CAMK2G: variants seen among roughly 807,000 people sequenced by gnomAD.
CAMK2G encodes the protein calcium/calmodulin dependent protein kinase II gamma, also known as calcium/calmodulin-dependent protein kinase type II subunit gamma.
CAMK2G carries 23 observed loss-of-function variants against 88.7 expected under a neutral mutation model. The observed-to-expected ratio is 0.26, with a 90% CI of 0.19 to 0.37. The LOEUF (loss-of-function observed/expected upper bound fraction) is 0.37. Among genes scored for constraint, CAMK2G ranks in the 10% least tolerant of loss-of-function variants. CAMK2G has a pLI of 1.00. For missense variants in CAMK2G, 476 were observed against 780.8 expected (o/e 0.61, Z 4.65); for synonymous variants, 263 against 294.8 (o/e 0.89, Z 1.11).
chr10:73,818,990 C>T (rs1049115213), intron 19 of CAMK2G: 4 of 359,664 alleles, frequency 1.1e-5, no homozygotes, highest in African/African-American at 2.1e-5. Context: ...CTCTGAGGTG[C>T]GTGCCATTTT....
chr10:73,831,271 G>T lies in CAMK2G; in HGVS notation c.1054-3150C>A, dbSNP rs144433355. ...AAAAATGCAATTGGCCGGGCACGGT[G>T]GTTCATGCCTGTAATCCCAGCACTT... On this transcript the variant is annotated intron_variant, in intron 14 of 22. Coordinates refer to ENST00000423381, the MANE Select transcript of CAMK2G (RefSeq NM_001367534.1). Among the ~76,000 whole-genome samples, 1,116 of 152,304 alleles carry T rather than the reference G, an allele frequency of 7.3e-3. 14 individuals are homozygous for T. The highest frequency in any genetic ancestry group is 0.026 in the African/African-American group (1,064 of 41,556).
At position 73,848,447 on chromosome 10, in the gene CAMK2G, T is replaced by C. The variant is rs1472254369; in HGVS notation, c.601+79A>G. The C allele has an allele frequency of 5.4e-6, 5 of 921,556 alleles. No homozygotes were observed. The highest frequency in any genetic ancestry group is 8.9e-6 in the Non-Finnish European group (5 of 563,240). The allele number at this position is 921,556 out of a possible 1,614,324, so 57.1% of individuals were successfully genotyped here. On this transcript the variant is annotated intron_variant, in intron 8 of 22. Coordinates refer to ENST00000423381, the MANE Select transcript of CAMK2G (RefSeq NM_001367534.1). This position sits in a 1 kb window ranked among gnomAD's most constrained non-coding sequence, Gnocchi z 4.5. Reference sequence around the variant, plus strand: ...AGGCACGTGTGTGACCTGCAAGGAATAGCGATGCCTCTTTCTTGCCATCAT... The same window carrying C: ...AGGCACGTGTGTGACCTGCAAGGAACAGCGATGCCTCTTTCTTGCCATCAT...
intron 18 of CAMK2G, among the ~76,000 whole-genome samples, chr10:73,821,051 C>A (rs1257619764): frequency 2.0e-5 from 3 of 152,040 alleles, no homozygotes; most frequent in Non-Finnish European, 2.9e-5. Flanking sequence ...CTCAAGTGAT[C>A]CACTTGCCTC....
chr10:73,825,476 G>A, intron 15 of CAMK2G, 129 bp from the exon 16 acceptor site: 1 of 704,694 alleles, frequency 1.4e-6, no homozygotes, highest in Non-Finnish European at 2.6e-6. Flanking sequence ...CCATAACGCT[G>A]TGTAGATGGG....
intron 2 of CAMK2G, among the ~76,000 whole-genome samples, chr10:73,864,985 G>A (rs2095533329): frequency 6.6e-6 from 1 of 152,198 alleles, no homozygotes; most frequent in Non-Finnish European, 1.5e-5. Context: ...CAAGATCTGA[G>A]GTTTAACTGA....
chr10:73,820,751 C>T (rs1055313439), intron 18 of CAMK2G, among the ~76,000 whole-genome samples: 3 of 144,668 alleles, frequency 2.1e-5, no homozygotes, highest in Admixed American at 7.1e-5. Flanking sequence ...CGGCTCACTG[C>T]AACCTCCACC....
Position 73,842,118 on chromosome 10 carries a change from C to T in CAMK2G, c.946+51G>A, listed in dbSNP as rs755940535. 2 of 1,471,624 alleles carry T rather than the reference C, an allele frequency of 1.4e-6. No individual in the cohort carries two copies. Among genetic ancestry groups the T allele is most frequent in the Middle Eastern group, 1.7e-4 (1 of 5,780 alleles). The allele number at this position is 1,471,624 out of a possible 1,614,324, so 91.2% of individuals were successfully genotyped here. ...GTGCCCGGGATGGCAACAGCCCATTCCTGATCCACTCACCTCGGCATAATC... is the reference window on the plus strand; with the variant it reads ...GTGCCCGGGATGGCAACAGCCCATTTCTGATCCACTCACCTCGGCATAATC... On this transcript the variant is annotated intron_variant, in intron 12 of 22. Transcript: ENST00000423381. The surrounding 1 kb of genome is among the most constrained non-coding windows in gnomAD (Gnocchi z 4.6).
intron 16 of CAMK2G, 51 bp from the exon 17 acceptor site, chr10:73,824,135 T>G (rs777150363): frequency 6.8e-7 from 1 of 1,481,454 alleles, no homozygotes; most frequent in Admixed American, 1.7e-5. Context: ...AGACTATGGC[T>G]CTTCCCTGAG....
intron 15 of CAMK2G, 93 bp from the exon 16 acceptor site, chr10:73,825,440 TGGA>T: frequency 1.0e-6 from 1 of 963,720 alleles, no homozygotes; most frequent in South Asian, 1.3e-5. Flanking sequence ...TGGTCTGGCC[TGGA>T]GGAGGTAGGC....
chr10:73,848,506 A>C lies in CAMK2G; in HGVS notation c.601+20T>G, dbSNP rs1294844194. ...GAGGGCCCTTAACAGCGAAAAGCTG[A>C]GAGCGTGGAATGGGCTTACCGCAGG... On this transcript the variant is annotated intron_variant, in intron 8 of 22. Coordinates refer to ENST00000423381, the MANE Select transcript of CAMK2G (RefSeq NM_001367534.1). This position sits in a 1 kb window ranked among gnomAD's most constrained non-coding sequence, Gnocchi z 4.5. 3 of 1,561,634 alleles carry C rather than the reference A, an allele frequency of 1.9e-6. No homozygotes were observed. Among genetic ancestry groups the C allele is most frequent in the Non-Finnish European group, 2.6e-6 (3 of 1,133,382 alleles).
intron 14 of CAMK2G, among the ~76,000 whole-genome samples, chr10:73,828,475 T>C (rs1034101414): frequency 2.6e-5 from 4 of 152,204 alleles, no homozygotes; most frequent in Non-Finnish European, 4.4e-5. Context: ...GTTCATAGGG[T>C]TAGCTCACCC....
chr10:73,839,541 T>C lies in CAMK2G; in HGVS notation c.1007A>G (p.Gln336Arg). 1 of 1,234,648 alleles carries C rather than the reference T, an allele frequency of 8.1e-7. No individual in the cohort carries two copies. The highest frequency in any genetic ancestry group is 3.2e-5 in the East Asian group (1 of 31,672). The allele number at this position is 1,234,648 out of a possible 1,614,324, so 76.5% of individuals were successfully genotyped here. A position where few individuals can be genotyped will look rare whatever the true frequency, so the allele number is the denominator to read the frequency against. ...PAASAAGLAGQAAKSLLNKKS... is the reference protein window; with the variant it reads ...PAASAAGLAGRAAKSLLNKKS... ...CGGGGAGGACTCATGCCACGTACCT[T>C]GCCCGGCCAGGCCGGCGGCGCTCGC... Residue 336 changes from glutamine (Q) to arginine (R), a missense_variant and splice_region_variant, in exon 13 of 23, where the codon CAA (glutamine) becomes CGA (arginine). Gln to Arg is a conservative substitution (Grantham distance 43). Transcript: ENST00000423381. The surrounding 1 kb of genome is among the most constrained non-coding windows in gnomAD (Gnocchi z 4.2).
At chr10:73,840,487 G>A (rs963519647) in intron 12 of CAMK2G, among the ~76,000 whole-genome samples, 1 of 152,152 alleles carries the variant, frequency 6.6e-6, no homozygotes, top group Admixed American at 6.5e-5. Context: ...CCAGAGTCAG[G>A]GCAGAAGAGG....
At chr10:73,849,138 C>G in intron 6 of CAMK2G, 23 bp from the exon 7 acceptor site, 1 of 1,600,620 alleles carries the variant, frequency 6.2e-7, no homozygotes, top group Non-Finnish European at 8.6e-7. Context: ...CACAGAGAAC[C>G]TTGTGAGCAC....
At chr10:73,873,631 GAC>G (rs2095931946) in intron 1 of CAMK2G, 9 of 553,402 alleles carry the variant, frequency 1.6e-5, no homozygotes, top group Non-Finnish European at 2.1e-5. Flanking sequence ...GGGAAGAGAG[GAC>G]ACAGTCAGAC....
intron 19 of CAMK2G, chr10:73,818,807 G>C: frequency 2.2e-6 from 1 of 456,258 alleles, no homozygotes; most frequent in African/African-American, 2.0e-5. Context: ...GGGGCCCCAC[G>C]GGCGAAGAGG....
chr10:73,849,241 G>C lies in CAMK2G; in HGVS notation c.414+20C>G. 1 of 1,606,824 alleles carries C rather than the reference G, an allele frequency of 6.2e-7. No individual in the cohort carries two copies. On this transcript the variant is annotated intron_variant, in intron 6 of 22. Coordinates refer to ENST00000423381, the MANE Select transcript of CAMK2G (RefSeq NM_001367534.1). ...CCAACACTTCATGAGCAGAGGCACG[G>C]AGGGGAGCCTGGGTAGTACCTTCAG...
chr10:73,820,558 G>A (rs2087991450), intron 18 of CAMK2G, among the ~76,000 whole-genome samples: 1 of 136,086 alleles, frequency 7.3e-6, no homozygotes, highest in Non-Finnish European at 1.5e-5. Flanking sequence ...GTGCAGTGGT[G>A]CAATCTCAGC....
intron 2 of CAMK2G, among the ~76,000 whole-genome samples, chr10:73,867,963 C>T (rs891848101): frequency 1.3e-5 from 2 of 152,148 alleles, no homozygotes; most frequent in Non-Finnish European, 2.9e-5. Context: ...ATTTCCCCAG[C>T]GGTCCTGCGG....
Sources: gnomAD v4.1 joint callset for allele counts (sites outside exome capture counted in the v4.1 genomes callset) on GRCh38, gnomAD v4.1.1 for gene constraint, Gnocchi (gnomAD v3.1) non-coding constraint, MANE v1.5 for transcripts, NCBI Gene and HGNC (gene_info 2026-07-23, HGNC 2026-07-21) for gene names.